The following NUBPL variants were observed in gnomAD, a reference collection of about 807,000 sequenced individuals.
NUBPL encodes the protein iron-sulfur cluster transfer protein NUBPL.
NUBPL carries 31 observed loss-of-function variants against 45.7 expected under a neutral mutation model. That is an observed-to-expected ratio of 0.68 (90% confidence interval 0.51 to 0.92). The LOEUF (loss-of-function observed/expected upper bound fraction) is 0.92. Among genes scored for constraint, NUBPL ranks in the 40% least tolerant of loss-of-function variants. The probability of loss-of-function intolerance (pLI) is 0.00; values close to 1 mark genes in which losing one functional copy is unlikely to be tolerated. For synonymous variants in NUBPL, 144 were observed against 140.9 expected (o/e 1.02, Z -0.15); for missense variants, 401 against 398.7 (o/e 1.01, Z -0.05).
intron 7 of NUBPL, among the ~76,000 whole-genome samples, chr14:31,825,638 CT>C (rs2040085860): frequency 3.5e-5 from 3 of 85,030 alleles, no homozygotes; most frequent in African/African-American, 7.8e-5. Flanking sequence ...TCCTCCTCCC[CT>C]CTTTCTCCTT....
At chr14:31,830,465 C>G (rs1327507971) in intron 8 of NUBPL, among the ~76,000 whole-genome samples, 2 of 152,130 alleles carry the variant, frequency 1.3e-5, no homozygotes, top group Non-Finnish European at 2.9e-5. Flanking sequence ...TTTCATGCCA[C>G]TGTAATTTTA....
intron 4 of NUBPL, among the ~76,000 whole-genome samples, chr14:31,617,956 T>C (rs2034953887): frequency 6.6e-6 from 1 of 152,174 alleles, no homozygotes; most frequent in Non-Finnish European, 1.5e-5. Context: ...ATTTCAGAAC[T>C]TGTTTTTGGT....
At chr14:31,852,823 G>A (rs2139009992) in intron 10 of NUBPL, among the ~76,000 whole-genome samples, 1 of 152,222 alleles carries the variant, frequency 6.6e-6, no homozygotes, top group South Asian at 2.1e-4. Flanking sequence ...GATGAATCTT[G>A]CCTCCTGAAA....
At chr14:31,788,178 C>G (rs1395364389) in intron 7 of NUBPL, among the ~76,000 whole-genome samples, 1 of 152,070 alleles carries the variant, frequency 6.6e-6, no homozygotes, top group East Asian at 1.9e-4. Flanking sequence ...AAAGTACATG[C>G]CAAGAAAGGA....
chr14:31,799,199 A>G (rs2039532590), intron 7 of NUBPL, among the ~76,000 whole-genome samples: 1 of 152,130 alleles, frequency 6.6e-6, no homozygotes, highest in African/African-American at 2.4e-5. Flanking sequence ...GAGAATTTTG[A>G]TATTAGCTAG....
intron 7 of NUBPL, among the ~76,000 whole-genome samples, chr14:31,806,593 T>C (rs996076524): frequency 6.6e-6 from 1 of 152,178 alleles, no homozygotes; most frequent in Non-Finnish European, 1.5e-5. Flanking sequence ...TTCTTTTTTC[T>C]GTTTTATTTA....
chr14:31,819,125 A>G (rs1030806498), intron 7 of NUBPL, among the ~76,000 whole-genome samples: 10 of 152,224 alleles, frequency 6.6e-5, no homozygotes, highest in Admixed American at 3.9e-4. Flanking sequence ...AATATTTAAA[A>G]CTCAGGAATT....
chr14:31,666,257 A>ATG (rs1566487143), intron 4 of NUBPL, among the ~76,000 whole-genome samples: 1 of 46,596 alleles, frequency 2.1e-5, no homozygotes, highest in Non-Finnish European at 3.7e-5. Flanking sequence ...ATATATATAT[A>ATG]TATATAATTT....
chr14:31,816,913 A>T (rs1411664075), intron 7 of NUBPL, among the ~76,000 whole-genome samples: 1 of 151,894 alleles, frequency 6.6e-6, no homozygotes, highest in Non-Finnish European at 1.5e-5. Flanking sequence ...TATGATTTCC[A>T]TTCTTTTGCA....
chr14:31,739,254 T>TATATATATATA (rs1566533850), intron 6 of NUBPL, among the ~76,000 whole-genome samples: 4 of 100,834 alleles, frequency 4.0e-5, no homozygotes, highest in East Asian at 4.7e-4. Context: ...ATATATATAT[T>TATATATATATA]TTTTTTTTTT....
intron 1 of NUBPL, 181 bp from the exon 2 acceptor site, chr14:31,561,887 T>G: frequency 1.5e-6 from 1 of 654,966 alleles, no homozygotes; most frequent in South Asian, 2.1e-5. Flanking sequence ...AATTTCAATT[T>G]AAGCAATGTG....
At chr14:31,590,319 A>AT (rs957063548) in intron 3 of NUBPL, among the ~76,000 whole-genome samples, 38 of 145,908 alleles carry the variant, frequency 2.6e-4, no homozygotes, top group East Asian at 1.4e-3. Flanking sequence ...TTCCTCTCTC[A>AT]TTTTTTTTTT....
intron 3 of NUBPL, among the ~76,000 whole-genome samples, chr14:31,569,189 T>G (rs1006070250): frequency 5.3e-5 from 8 of 151,994 alleles, no homozygotes; most frequent in African/African-American, 1.9e-4. Context: ...AGATTGAGTT[T>G]TTTTTGTTTT....
Position 31,660,506 on chromosome 14 carries a change from A to G in NUBPL, c.383-12849A>G, listed in dbSNP as rs138523671. Among the ~76,000 whole-genome samples, 121 of 152,262 alleles carry G rather than the reference A, an allele frequency of 7.9e-4. 1 individual carries two copies. In the East Asian group the frequency reaches 9.8e-3, roughly 12 times the overall value. On this transcript the variant is annotated intron_variant, in intron 4 of 10. Transcript: ENST00000281081. ...CCCTTTCCTTTCTGAACATTCTTGT[A>G]TCTTTGCATGTCTTTTCTTCAAGAT...
rs1260811125 is a variant in NUBPL at position 31,794,972 on chromosome 14, C to T, written c.607+7099C>T. Among the ~76,000 whole-genome samples the T allele has an allele frequency of 6.1e-5, 8 of 131,716 alleles. No homozygotes were observed. In the East Asian group the frequency reaches 1.9e-3, roughly 31 times the overall value. 86.4% of individuals were successfully genotyped at this position (131,716 alleles called of 152,430 possible). ...TATGGCTAGCCAGTTTTCCCAGCAC[C>T]ATTTATTAAATAGGGAATCCTTTCC... On this transcript the variant is annotated intron_variant, in intron 7 of 10. Transcript: ENST00000281081.
At position 31,561,512 on chromosome 14, in the gene NUBPL, C is replaced by G. The variant is rs1231293757; in HGVS notation, c.73C>G (p.Leu25Val). The G allele has an allele frequency of 7.2e-7, 1 of 1,383,944 alleles. No homozygotes were observed. The highest frequency in any genetic ancestry group is 2.0e-5 in the South Asian group (1 of 51,120). 85.7% of individuals were successfully genotyped at this position (1,383,944 alleles called of 1,614,324 possible). A position where few individuals can be genotyped will look rare whatever the true frequency, so the allele number is the denominator to read the frequency against. The change falls in exon 1 of 11, where the codon CTT (leucine) becomes GTT (valine). Residue 25 changes from leucine (L) to valine (V), a missense_variant. Physicochemically the swap from Leu to Val is conservative, Grantham distance 32. Transcript: ENST00000281081. ...GGCTGGTGGCGGGGCCACTGCCCCGCTTGGGGGAAGCCGAGCGATGGTTTG... is the reference window on the plus strand; with the variant it reads ...GGCTGGTGGCGGGGCCACTGCCCCGGTTGGGGGAAGCCGAGCGATGGTTTG... ...LRAGGGATAPLGGSRAMVCGR... is the reference protein window; with the variant it reads ...LRAGGGATAPVGGSRAMVCGR...
intron 6 of NUBPL, among the ~76,000 whole-genome samples, chr14:31,783,202 A>G (rs2039224326): frequency 6.6e-6 from 1 of 152,168 alleles, no homozygotes; most frequent in Admixed American, 6.5e-5. Context: ...ATATCTTGCA[A>G]CGAGGTGATG....
At chr14:31,568,926 T>C (rs2139456452) in intron 3 of NUBPL, among the ~76,000 whole-genome samples, 1 of 152,352 alleles carries the variant, frequency 6.6e-6, no homozygotes, top group South Asian at 2.1e-4. Flanking sequence ...GGGCAGAACA[T>C]TTTTCTTTTC....
chr14:31,795,258 A>G lies in NUBPL; in HGVS notation c.607+7385A>G, dbSNP rs1261303493. On this transcript the variant is annotated intron_variant, in intron 7 of 10. Transcript: ENST00000281081. The stretch of plus-strand genomic sequence containing the variant: ...ATGAACTTTAAAGTAGTTTTTTCCA[A>G]TTCTGTGAAGAAAGTCATTGGTAGC... Among the ~76,000 whole-genome samples, 10 of 150,018 alleles carry G rather than the reference A, an allele frequency of 6.7e-5. No homozygotes were observed. In the South Asian group the frequency reaches 2.1e-3, roughly 32 times the overall value.
Sources: allele counts gnomAD v4.1 joint callset (sites outside exome capture counted in the v4.1 genomes callset), GRCh38; gene constraint gnomAD v4.1.1; transcripts MANE v1.5; gene names NCBI Gene and HGNC (gene_info 2026-07-23, HGNC 2026-07-21).